Variants in LRRC27 observed in about 807,000 individuals in gnomAD.
LRRC27 encodes leucine-rich repeat-containing protein 27.
Under a neutral mutation model 55.0 loss-of-function variants are expected in LRRC27, and 57 were observed. The observed-to-expected ratio is 1.04, with a 90% CI of 0.84 to 1.29. LRRC27 has a LOEUF of 1.29. Among genes scored for constraint, LRRC27 ranks in the 50% most tolerant of loss-of-function variants. LRRC27 has a pLI of 0.00. For synonymous variants in LRRC27, 278 were observed against 251.9 expected, an observed-to-expected ratio of 1.10 and a Z score of -0.98; for missense variants, 721 against 651.5, an observed-to-expected ratio of 1.11 and a Z score of -1.16.
At chr10:132,360,613 C>T (rs1400828027) in intron 8 of LRRC27, among the ~76,000 whole-genome samples, 1 of 152,168 alleles carries the variant, frequency 6.6e-6, no homozygotes, top group Admixed American at 6.5e-5. Flanking sequence ...GGTTGCCGAA[C>T]ACTTTCTAAG....
intron 9 of LRRC27, among the ~76,000 whole-genome samples, chr10:132,363,842 G>A (rs576060899): frequency 6.6e-6 from 1 of 152,242 alleles, no homozygotes; most frequent in Admixed American, 6.5e-5. Context: ...GGGTGACAAA[G>A]GGCATGTTCT....
In LRRC27 at chr10:132,365,670, C is replaced by G. The variant is rs190511447; in HGVS notation, c.1416+120C>G. 6.3e-6 allele frequency: 8 copies of G among 1,264,190 alleles called. No individual in the cohort carries two copies. In the East Asian group the frequency reaches 2.1e-4, roughly 34 times the overall value. The allele number at this position is 1,264,190 out of a possible 1,614,324, so 78.3% of individuals were successfully genotyped here. On this transcript the variant is annotated intron_variant, in intron 10 of 10. Transcript: ENST00000368614. ...AGGCTGGAGTGCGGTGGCACAATCT[C>G]GGCTCCCTGCAGCCTCCACCTCCCA... is the stretch of plus-strand genomic sequence containing the variant.
At chr10:132,354,801 A>C (rs532877295) in intron 7 of LRRC27, among the ~76,000 whole-genome samples, 3 of 152,230 alleles carry the variant, frequency 2.0e-5, no homozygotes, top group South Asian at 4.1e-4. Flanking sequence ...ATGATGGGAG[A>C]AACAAGAGGA....
upstream of LRRC27, chr10:132,330,586 C>T (rs2066646600): frequency 4.3e-6 from 3 of 704,806 alleles, no homozygotes; most frequent in South Asian, 4.5e-5. Context: ...TAACTCACTG[C>T]AGCCTCAAAA....
rs894162092 is a variant in LRRC27, at chr10:132,372,295, G to A, written c.1417-2771G>A. Among the ~76,000 whole-genome samples, 2 of 151,566 alleles carry A rather than the reference G, an allele frequency of 1.3e-5. No homozygotes were observed. The highest frequency in any genetic ancestry group is 2.4e-5 in the African/African-American group (1 of 41,108). On this transcript the variant is annotated intron_variant, in intron 10 of 10. Transcript: ENST00000368614. This position sits in a 1 kb window ranked among gnomAD's most constrained non-coding sequence, Gnocchi z 4.0. ...GGATGGGAAGTGGGGGTCGGGGTGC[G>A]GTGACTCACGCCTGCAATCCCAGCA...
At position 132,364,067 on chromosome 10, in the gene LRRC27, C is replaced by T. The variant is rs115144406; in HGVS notation, c.1290-1357C>T. ...ACAGCAGACCACAGTGGCCCGCTAA[C>T]CCCCCATCACCCTGGGCACAGTAAA... is the stretch of plus-strand genomic sequence containing the variant. On this transcript the variant is annotated intron_variant, in intron 9 of 10. Transcript: ENST00000368614. 9.7e-3 allele frequency among the ~76,000 whole-genome samples: 1,474 copies of T among 152,084 alleles called. 33 individuals carry two copies. Among genetic ancestry groups the T allele is most frequent in the African/African-American group, 0.033 (1,355 of 41,452 alleles).
intron 2 of LRRC27, chr10:132,337,160 C>G (rs1226017537): frequency 8.4e-7 from 1 of 1,186,180 alleles, no homozygotes; most frequent in Admixed American, 4.6e-5. Flanking sequence ...ATGGCTCTGG[C>G]TATTTGCTCA....
intron 7 of LRRC27, among the ~76,000 whole-genome samples, chr10:132,354,978 G>A (rs1019120364): frequency 6.6e-6 from 1 of 152,220 alleles, no homozygotes. Flanking sequence ...AGATGTGGGC[G>A]TTACTCGGGA....
intron 8 of LRRC27, among the ~76,000 whole-genome samples, chr10:132,359,134 A>AGGAGCCGAGGTGGTGGAGCAGCGTGGGG (rs1564847069): frequency 1.3e-4 from 4 of 29,778 alleles, no homozygotes; most frequent in East Asian, 1.3e-3. Flanking sequence ...GGAGCGTGGG[A>AGGAGCCGAGGTGGTGGAGCAGCGTGGGG]AGGAGCCGAG....
Position 132,355,833 on chromosome 10 carries a change from A to G in LRRC27, c.1117A>G (p.Met373Val), listed in dbSNP as rs1269327652. 1.3e-6 allele frequency: 2 copies of G among 1,558,786 alleles called. No homozygotes were observed. The highest frequency in any genetic ancestry group is 1.7e-4 in the Middle Eastern group (1 of 6,000). Residue 373 changes from methionine (M) to valine (V), a missense_variant, in exon 8 of 11, where the codon ATG becomes GTG. Transcript: ENST00000368614. ...GGAGTGGAGAGAGCGAGCCCAGAGG[A>G]TGAGGAAGAGGAAGGAAGAGCTCAG... ...LQEWRERAQR[M>V]RKRKEELSKL...
chr10:132,331,865 G>C, upstream of LRRC27: 1 of 1,352,988 alleles, frequency 7.4e-7, no homozygotes, highest in South Asian at 1.3e-5. Flanking sequence ...CGTTGGCCGC[G>C]TGCGTGCGCA....
intron 1 of LRRC27, among the ~76,000 whole-genome samples, chr10:132,332,781 A>T (rs541883333): frequency 6.6e-6 from 1 of 152,164 alleles, no homozygotes; most frequent in African/African-American, 2.4e-5. Flanking sequence ...TCTGCGCCTC[A>T]TATGCCAATC....
At chr10:132,350,558 G>C (rs1253732113) in intron 6 of LRRC27, 1 of 152,356 alleles carries the variant, frequency 6.6e-6, no homozygotes, top group Admixed American at 6.5e-5. Flanking sequence ...GGAAGACGAG[G>C]GACAGTCACT....
At chr10:132,335,671 C>G (rs902615391) in intron 2 of LRRC27, among the ~76,000 whole-genome samples, 5 of 151,842 alleles carry the variant, frequency 3.3e-5, no homozygotes, top group Admixed American at 3.3e-4. Flanking sequence ...AGGCAGAGTA[C>G]TATAGGGTCG....
intron 10 of LRRC27, chr10:132,366,941 T>C: frequency 2.3e-6 from 3 of 1,282,774 alleles, no homozygotes; most frequent in Non-Finnish European, 3.0e-6. Flanking sequence ...TCTGAGACTC[T>C]TTTCCTCCTC....
At chr10:132,366,607 TC>T (rs1368046083) in intron 10 of LRRC27, 1 of 168,176 alleles carries the variant, frequency 5.9e-6, no homozygotes, top group East Asian at 1.9e-4. Context: ...TCCCCACCCT[TC>T]CTGCAGCCAT....
chr10:132,370,687 A>C (rs1010523177), intron 10 of LRRC27, among the ~76,000 whole-genome samples: 1 of 152,184 alleles, frequency 6.6e-6, no homozygotes, highest in Admixed American at 6.5e-5. Flanking sequence ...TGATGGCCGC[A>C]TGTTTAGGAA....
Position 132,358,492 on chromosome 10 carries a change from C to T in LRRC27, c.1170+2606C>T, listed in dbSNP as rs1336062664. Among the ~76,000 whole-genome samples, 9 of 34,662 alleles carry T rather than the reference C, an allele frequency of 2.6e-4. 1 individual carries two copies. Among genetic ancestry groups the T allele is most frequent in the Admixed American group, 3.2e-4 (1 of 3,130 alleles). The allele number at this position is 34,662 out of a possible 152,430, so 22.7% of individuals were successfully genotyped here. ...GTGATGGAGCAGCGTGGGGAGGAGC[C>T]GAGGTGGTGGAGCAGCGTGGGGAGG... On this transcript the variant is annotated intron_variant, in intron 8 of 10. Transcript: ENST00000368614.
upstream of LRRC27, chr10:132,331,757 C>A (rs1364968977): frequency 6.2e-7 from 1 of 1,610,842 alleles, no homozygotes; most frequent in African/African-American, 1.3e-5. Flanking sequence ...TCCTTCCCCT[C>A]TGTGCCAGGC....
Sources: allele counts gnomAD v4.1 joint callset (sites outside exome capture counted in the v4.1 genomes callset), GRCh38; gene constraint gnomAD v4.1.1; non-coding constraint Gnocchi (gnomAD v3.1); transcripts MANE v1.5; gene names NCBI Gene and HGNC (gene_info 2026-07-23, HGNC 2026-07-21).